WWP2: variants seen among roughly 807,000 people sequenced by gnomAD.
WWP2 encodes NEDD4-like E3 ubiquitin-protein ligase WWP2.
In WWP2, 57 loss-of-function variants were observed where a neutral mutation model predicts 121.0. The ratio of observed to expected loss-of-function variants is 0.47; its 90% confidence interval spans 0.38 to 0.59. The LOEUF (loss-of-function observed/expected upper bound fraction) is 0.59, where lower values mean the gene tolerates loss of function less well. WWP2 is among the 20% of genes least tolerant of loss of function. The probability of loss-of-function intolerance (pLI) is 0.00; values close to 1 mark genes in which losing one functional copy is unlikely to be tolerated. For synonymous variants in WWP2, 449 were observed against 441.3 expected, an observed-to-expected ratio of 1.02 and a Z score of -0.22; for missense variants, 962 against 1,158.9, an observed-to-expected ratio of 0.83 and a Z score of 2.47.
intron 8 of WWP2, among the ~76,000 whole-genome samples, chr16:69,897,788 G>C (rs1321111226): frequency 6.6e-6 from 1 of 151,806 alleles, no homozygotes; most frequent in Non-Finnish European, 1.5e-5. Context: ...CATGCCTGTA[G>C]TCCCAGCTAC....
rs909134889 is a variant in WWP2, at chr16:69,932,318, G to A, written c.1682+428G>A. ...GCACTCCATCCTGGGCAACAAGAGC[G>A]AAACTCCATCTCAAAAACAAAACAA... On this transcript the variant is annotated intron_variant, in intron 16 of 23. Coordinates refer to ENST00000359154, the MANE Select transcript of WWP2 (RefSeq NM_001270454.2). Among the ~76,000 whole-genome samples, 7 of 152,346 alleles carry A rather than the reference G, an allele frequency of 4.6e-5. No homozygotes were observed. The East Asian group carries it at 5.8e-4, about 13-fold the overall frequency.
chr16:69,804,656 A>G (rs1236735032), intron 4 of WWP2, among the ~76,000 whole-genome samples: 3 of 151,898 alleles, frequency 2.0e-5, no homozygotes, highest in Non-Finnish European at 2.9e-5. Context: ...TTCTTTGCAT[A>G]TATCACATCA....
At chr16:69,882,289 C>T (rs1019237728) in intron 7 of WWP2, among the ~76,000 whole-genome samples, 2 of 152,152 alleles carry the variant, frequency 1.3e-5, no homozygotes, top group Admixed American at 6.5e-5. Flanking sequence ...TATTGTTATA[C>T]AAATGTCAGG....
chr16:69,826,571 CA>C (rs762732099), intron 4 of WWP2, among the ~76,000 whole-genome samples: 1,400 of 37,246 alleles, frequency 0.038, 17 homozygotes, highest in African/African-American at 0.11. Context: ...GACTCCGTCT[CA>C]AAAAAAAAAA....
intron 6 of WWP2, among the ~76,000 whole-genome samples, chr16:69,850,217 C>T (rs946836961): frequency 6.6e-6 from 1 of 151,778 alleles, no homozygotes; most frequent in Non-Finnish European, 1.5e-5. Flanking sequence ...AAACCCCGTC[C>T]CTACTAAAAA....
At chr16:69,771,109 G>C (rs2055404620) in intron 1 of WWP2, among the ~76,000 whole-genome samples, 1 of 152,204 alleles carries the variant, frequency 6.6e-6, no homozygotes, top group South Asian at 2.1e-4. Flanking sequence ...CAGCTTATTA[G>C]CCTCCAGAAG....
intron 4 of WWP2, among the ~76,000 whole-genome samples, chr16:69,821,373 C>T (rs1025171858): frequency 1.1e-4 from 17 of 152,298 alleles, no homozygotes; most frequent in East Asian, 1.9e-4. Context: ...AAAGTAAACA[C>T]GGAGGCCCTG....
At chr16:69,939,707 A>G (rs2058851194) in intron 23 of WWP2, 134 bp from the exon 24 acceptor site, 2 of 737,450 alleles carry the variant, frequency 2.7e-6, no homozygotes, top group Non-Finnish European at 4.0e-6. Flanking sequence ...CTGCAATGTG[A>G]AGGCCTGACT....
In WWP2 at chr16:69,817,659, C is replaced by CTTT. The variant is rs200998762; in HGVS notation, c.340+18388_340+18390dup. ...TACTAGCAGCACTTTTTGTTAAACT[C>CTTT]TTTTTTTTTTTTTTTTTTTTTTTTT... On this transcript the variant is annotated intron_variant, in intron 4 of 23. Transcript: ENST00000359154. 5.0e-3 allele frequency among the ~76,000 whole-genome samples: 603 copies of CTTT among 119,880 alleles called. 33 individuals are homozygous for CTTT. The highest frequency in any genetic ancestry group is 0.018 in the African/African-American group (575 of 31,390). The allele number at this position is 119,880 out of a possible 152,430, so 78.6% of individuals were successfully genotyped here.
At position 69,939,704 on chromosome 16, in the gene WWP2, G is replaced by A. The variant is rs983158299; in HGVS notation, c.2514-137G>A. 8 of 748,338 alleles carry A rather than the reference G, an allele frequency of 1.1e-5. No homozygotes were observed. In the East Asian group the frequency reaches 2.0e-4, roughly 19 times the overall value. The allele number at this position is 748,338 out of a possible 1,614,324, so 46.4% of individuals were successfully genotyped here. On this transcript the variant is annotated intron_variant, in intron 23 of 23. Transcript: ENST00000359154. ...ACCCCATGGTCCAGGCACCTGCAATGTGAAGGCCTGACTGGCAGCCCCTGA... is the reference window on the plus strand; with the variant it reads ...ACCCCATGGTCCAGGCACCTGCAATATGAAGGCCTGACTGGCAGCCCCTGA...
chr16:69,843,150 C>T (rs2057010654), intron 6 of WWP2, among the ~76,000 whole-genome samples: 2 of 152,096 alleles, frequency 1.3e-5, no homozygotes, highest in South Asian at 2.1e-4. Context: ...CCAGGATACA[C>T]ATAGAAATGC....
chr16:69,876,487 C>T (rs1333238316), intron 7 of WWP2, among the ~76,000 whole-genome samples: 1 of 151,882 alleles, frequency 6.6e-6, no homozygotes, highest in African/African-American at 2.4e-5. Flanking sequence ...GCCTCAGCCT[C>T]CAAAGTAGCT....
intron 4 of WWP2, among the ~76,000 whole-genome samples, chr16:69,821,179 C>T (rs2056586553): frequency 6.6e-6 from 1 of 152,216 alleles, no homozygotes; most frequent in African/African-American, 2.4e-5. Context: ...TTTCTATCAT[C>T]CTGCACCTCA....
At chr16:69,907,204 T>C (rs1321147428) in intron 8 of WWP2, among the ~76,000 whole-genome samples, 1 of 152,176 alleles carries the variant, frequency 6.6e-6, no homozygotes, top group Non-Finnish European at 1.5e-5. Flanking sequence ...CGGTGTAGCC[T>C]ATTAATACAT....
intron 8 of WWP2, among the ~76,000 whole-genome samples, chr16:69,900,131 A>T (rs2058180343): frequency 6.6e-6 from 1 of 152,196 alleles, no homozygotes; most frequent in Non-Finnish European, 1.5e-5. Context: ...ACACCTAATT[A>T]TTTCTTTGGG....
At chr16:69,839,570 T>C (rs2056938068) in intron 4 of WWP2, among the ~76,000 whole-genome samples, 1 of 152,218 alleles carries the variant, frequency 6.6e-6, no homozygotes, top group Non-Finnish European at 1.5e-5. Context: ...TGGGGCTGAT[T>C]AGCCTGTATT....
At position 69,931,826 on chromosome 16, in the gene WWP2, C is replaced by T. The variant is rs773352487; in HGVS notation, c.1618C>T (p.Leu540=). The T allele has an allele frequency of 8.1e-6, 13 of 1,613,650 alleles. No individual in the cohort carries two copies. The highest frequency in any genetic ancestry group is 1.1e-5 in the Non-Finnish European group (13 of 1,180,030). The part of the protein sequence containing the change: ...QQIMNMKPYD[L]RRRLYIIMRG... ...GATCATGAACATGAAACCCTATGAC[C>T]TGCGCCGCCGGCTCTACATCATCAT... Residue 540 remains leucine (L), a synonymous_variant, in exon 16 of 24, where the codon CTG becomes TTG. Transcript: ENST00000359154.
In WWP2 at chr16:69,888,147, C is replaced by T. The variant is rs1220211533; in HGVS notation, c.812C>T (p.Ser271Phe). The T allele has an allele frequency of 1.9e-6, 3 of 1,614,224 alleles. No homozygotes were observed. In the South Asian group the frequency reaches 3.3e-5, roughly 18 times the overall value. Residue 271 changes from serine (S) to phenylalanine (F), a missense_variant, in exon 8 of 24, where the codon TCT becomes TTT. By Grantham distance (155) the Ser-to-Phe change is radical. Coordinates refer to ENST00000359154, the MANE Select transcript of WWP2 (RefSeq NM_001270454.2). The stretch of plus-strand genomic sequence containing the variant: ...GTGACCCCGAATCCCAACACGACTT[C>T]TCTCCCTGCCCCAGCCACACCGGCT... ...LSVTPNPNTT[S>F]LPAPATPAEG...
At chr16:69,865,710 G>T (rs1419123304) in intron 6 of WWP2, among the ~76,000 whole-genome samples, 2 of 152,218 alleles carry the variant, frequency 1.3e-5, no homozygotes, top group Non-Finnish European at 2.9e-5. Flanking sequence ...TAACACGTTT[G>T]TTACATGTGT....
Sources: gnomAD v4.1 joint callset for allele counts (sites outside exome capture counted in the v4.1 genomes callset) on GRCh38, gnomAD v4.1.1 for gene constraint, MANE v1.5 for transcripts, NCBI Gene and HGNC (gene_info 2026-07-23, HGNC 2026-07-21) for gene names.